AMZ2: variants seen among roughly 807,000 people sequenced by gnomAD.
The protein encoded by AMZ2 is archaelysin family metallopeptidase 2, also known as archaemetzincin-2.
Under a neutral mutation model 36.7 loss-of-function variants are expected in AMZ2, and 26 were observed. The ratio of observed to expected loss-of-function variants is 0.71; its 90% confidence interval spans 0.52 to 0.98. The LOEUF (loss-of-function observed/expected upper bound fraction) is 0.98, where lower values mean the gene tolerates loss of function less well. AMZ2 is among the 50% of genes least tolerant of loss of function. AMZ2 has a pLI of 0.00. For synonymous variants in AMZ2, 144 were observed against 149.1 expected (o/e 0.97, Z 0.25); for missense variants, 394 against 430.5 (o/e 0.92, Z 0.75).
chr17:68,211,396 G>A (rs1164121725), intron 1 of AMZ2, among the ~76,000 whole-genome samples: 3 of 151,778 alleles, frequency 2.0e-5, no homozygotes, highest in African/African-American at 7.3e-5. Context: ...CCAGCAACTC[G>A]GGAGGCTGAG....
intron 4 of AMZ2, chr17:68,251,383 T>G (rs1328701761): frequency 1.4e-5 from 7 of 506,906 alleles, no homozygotes; most frequent in Non-Finnish European, 1.7e-5. Context: ...TACAGGACCT[T>G]AAAGGTAACA....
intron 1 of AMZ2, among the ~76,000 whole-genome samples, chr17:68,216,969 C>G (rs1366064179): frequency 6.7e-6 from 1 of 150,020 alleles, no homozygotes; most frequent in Non-Finnish European, 1.5e-5. Context: ...GGAGGTGGAG[C>G]TTGCAGTGAG....
At chr17:68,230,796 G>A (rs1482851471) in intron 1 of AMZ2, among the ~76,000 whole-genome samples, 2 of 152,156 alleles carry the variant, frequency 1.3e-5, no homozygotes, top group Non-Finnish European at 2.9e-5. Context: ...GGAGGGAAAG[G>A]TAGCCATTTG....
intron 1 of AMZ2, among the ~76,000 whole-genome samples, chr17:68,209,626 A>ATTTTTTTTTTTTTT (rs1430193601): frequency 1.0e-5 from 1 of 95,244 alleles, no homozygotes; most frequent in African/African-American, 5.3e-5. Flanking sequence ...ATATATATAT[A>ATTTTTTTTTTTTTT]TATATATTTT....
At chr17:68,210,099 A>G (rs2072996064) in intron 1 of AMZ2, among the ~76,000 whole-genome samples, 1 of 152,178 alleles carries the variant, frequency 6.6e-6, no homozygotes, top group South Asian at 2.1e-4. Context: ...AGAATGTAAA[A>G]CCATGTAACA....
intron 1 of AMZ2, among the ~76,000 whole-genome samples, chr17:68,219,326 G>C (rs1447259512): frequency 6.6e-6 from 1 of 152,098 alleles, no homozygotes; most frequent in African/African-American, 2.4e-5. Context: ...TAAACTAGAT[G>C]GCTTCTTTGC....
intron 1 of AMZ2, among the ~76,000 whole-genome samples, chr17:68,228,398 G>A (rs2073570533): frequency 6.6e-6 from 1 of 152,156 alleles, no homozygotes; most frequent in Non-Finnish European, 1.5e-5. Flanking sequence ...TGATTTCATG[G>A]CGAGACTGGA....
intron 1 of AMZ2, among the ~76,000 whole-genome samples, chr17:68,229,893 T>C (rs2073617200): frequency 6.6e-6 from 1 of 152,078 alleles, no homozygotes; most frequent in Non-Finnish European, 1.5e-5. Context: ...CTCCATATAG[T>C]CTCAGGGGCC....
At position 68,235,847 on chromosome 17, in the gene AMZ2, C is replaced by T. The variant is rs79665228; in HGVS notation, c.-66-12793C>T. On this transcript the variant is annotated intron_variant, in intron 1 of 7. Transcript: ENST00000674770. The surrounding 1 kb of genome is among the most constrained non-coding windows in gnomAD (Gnocchi z 4.2). ...CCAAAATCTTACTTTTTTTTTTTTTCGAGATAGTTTCTCACTTGGTCCACC... is the reference window on the plus strand; with the variant it reads ...CCAAAATCTTACTTTTTTTTTTTTTTGAGATAGTTTCTCACTTGGTCCACC... Among the ~76,000 whole-genome samples the T allele has an allele frequency of 2.8e-5, 4 of 145,016 alleles. No individual in the cohort carries two copies. Among genetic ancestry groups the T allele is most frequent in the African/African-American group, 7.6e-5 (3 of 39,474 alleles).
In AMZ2 at chr17:68,254,450, C is replaced by G. The variant is rs782355860; in HGVS notation, c.633C>G (p.Ser211Arg). 11 of 1,613,444 alleles carry G rather than the reference C, an allele frequency of 6.8e-6. No homozygotes were observed. Among genetic ancestry groups the G allele is most frequent in the Non-Finnish European group, 9.3e-6 (11 of 1,179,930 alleles). The change falls in exon 5 of 7, where the codon AGC (serine) becomes AGG (arginine). Residue 211 changes from serine (S) to arginine (R), a missense_variant. Physicochemically the swap from Ser to Arg is moderately radical, Grantham distance 110. Coordinates refer to ENST00000359904, the MANE Select transcript of AMZ2 (RefSeq NM_016627.5). Reference sequence around the variant, plus strand: ...CCAGGTATGGCAGTGATTTTTATAGCATGCACTATAAAGGCAAAGTGAAGA... The same window carrying G: ...CCAGGTATGGCAGTGATTTTTATAGGATGCACTATAAAGGCAAAGTGAAGA... ...SFARYGSDFY[S>R]MHYKGKVKKL...
chr17:68,234,156 C>T (rs1254341050), intron 1 of AMZ2, among the ~76,000 whole-genome samples: 1 of 151,760 alleles, frequency 6.6e-6, no homozygotes, highest in African/African-American at 2.4e-5. Flanking sequence ...ACATGGAGAA[C>T]CCCTGTTTCT....
intron 1 of AMZ2, chr17:68,206,842 A>G (rs1349360085): frequency 1.3e-5 from 2 of 152,456 alleles, no homozygotes; most frequent in South Asian, 4.1e-4. Context: ...CTGGTCCTGT[A>G]TGTTTGCTTT....
At chr17:68,237,576 T>A (rs1732159039) in intron 1 of AMZ2, among the ~76,000 whole-genome samples, 1 of 152,158 alleles carries the variant, frequency 6.6e-6, no homozygotes, top group Non-Finnish European at 1.5e-5. Context: ...AGGTGTTCAG[T>A]GGGGAGTTGC....
upstream of AMZ2, chr17:68,247,883 G>C (rs1369360810): frequency 1.0e-6 from 1 of 985,426 alleles, no homozygotes; most frequent in Non-Finnish European, 1.2e-6. Context: ...GAGGCGGGTC[G>C]CGGCCGCTGA....
At chr17:68,252,800 A>T (rs573162169) in intron 4 of AMZ2, among the ~76,000 whole-genome samples, 1 of 152,188 alleles carries the variant, frequency 6.6e-6, no homozygotes, top group Non-Finnish European at 1.5e-5. Context: ...CTTTGATTAC[A>T]GGTGTGAGTC....
chr17:68,248,027 G>GGGCGT (rs1178564541), upstream of AMZ2: 5 of 986,510 alleles, frequency 5.1e-6, no homozygotes, highest in Admixed American at 6.1e-5. Context: ...TGGCGCCAGT[G>GGGCGT]GGCGTGGCGT....
In AMZ2 at chr17:68,250,910, G is replaced by GT. The variant is rs2074408636; in HGVS notation, c.401dup (p.Thr135AsnfsTer6). On this transcript the variant is annotated frameshift_variant, in exon 3 of 7. Transcript: ENST00000359904. LOFTEE classifies it high-confidence loss of function. ...ACTCCTAGAACCAGTTCCTGTTTCT[G>GT]TAACAAGATGTTCCTTTAGAGTCAA... The GT allele has an allele frequency of 1.2e-6, 2 of 1,610,282 alleles. No individual in the cohort carries two copies. The highest frequency in any genetic ancestry group is 1.7e-6 in the Non-Finnish European group (2 of 1,179,230).
intron 1 of AMZ2, among the ~76,000 whole-genome samples, chr17:68,209,632 A>ATATATATTTTTTTT: frequency 1.1e-5 from 1 of 90,700 alleles, no homozygotes; most frequent in Non-Finnish European, 2.0e-5. Flanking sequence ...ATATATATAT[A>ATATATATTTTTTTT]TTTTTTTTTT....
chr17:68,233,440 C>T (rs1165662295), intron 1 of AMZ2, among the ~76,000 whole-genome samples: 5 of 147,252 alleles, frequency 3.4e-5, no homozygotes, highest in Non-Finnish European at 4.5e-5. Flanking sequence ...ACCTGGGAGG[C>T]GGAGGTTGCA....
Sources: gnomAD v4.1 joint callset for allele counts (sites outside exome capture counted in the v4.1 genomes callset) on GRCh38, gnomAD v4.1.1 for gene constraint, Gnocchi (gnomAD v3.1) non-coding constraint, MANE v1.5 for transcripts, NCBI Gene and HGNC (gene_info 2026-07-23, HGNC 2026-07-21) for gene names.